The following DZIP3 variants were observed in gnomAD, a reference collection of about 807,000 sequenced individuals.
The protein encoded by DZIP3 is E3 ubiquitin-protein ligase DZIP3.
A neutral mutation model predicts 162.0 loss-of-function variants in DZIP3; 118 were observed. The observed-to-expected ratio is 0.73, with a 90% CI of 0.63 to 0.85. The LOEUF (loss-of-function observed/expected upper bound fraction) is 0.85, where lower values mean the gene tolerates loss of function less well. Ranked by LOEUF, DZIP3 falls within the 40% of genes least tolerant of loss-of-function variation. The pLI is 0.00. For missense variants in DZIP3, 1,331 were observed against 1,407.0 expected, an observed-to-expected ratio of 0.95 and a Z score of 0.86; for synonymous variants, 438 against 458.6, an observed-to-expected ratio of 0.96 and a Z score of 0.57.
At chr3:108,661,427 T>C (rs970822565) in intron 19 of DZIP3, among the ~76,000 whole-genome samples, 21 of 152,092 alleles carry the variant, frequency 1.4e-4, no homozygotes, top group African/African-American at 4.8e-4. Context: ...TAGGTGGGAA[T>C]TGAACAATGA....
upstream of DZIP3, chr3:108,589,665 G>T (rs9810998): frequency 0.01 from 2,979 of 292,444 alleles, 94 homozygotes; most frequent in African/African-American, 0.061. Flanking sequence ...TCCCGTGAAG[G>T]CGAGAAATCT....
At chr3:108,620,947 G>A (rs536748646) in intron 5 of DZIP3, among the ~76,000 whole-genome samples, 4 of 152,082 alleles carry the variant, frequency 2.6e-5, no homozygotes, top group Non-Finnish European at 4.4e-5. Flanking sequence ...TCAGCCTCCC[G>A]AGTAGCTGGG....
intron 19 of DZIP3, among the ~76,000 whole-genome samples, chr3:108,655,137 A>G (rs530662966): frequency 5.9e-5 from 9 of 152,330 alleles, no homozygotes; most frequent in South Asian, 4.1e-4. Context: ...CCATGAGACT[A>G]TGGGAACTCA....
chr3:108,693,259 T>C (rs1441069343), intron 32 of DZIP3, 101 bp from the exon 33 acceptor site: 1 of 151,492 alleles, frequency 6.6e-6, no homozygotes. Flanking sequence ...GAAAATCCCA[T>C]GGAAATTTAT....
intron 5 of DZIP3, among the ~76,000 whole-genome samples, chr3:108,621,344 T>C (rs9840509): frequency 0.019 from 2,900 of 152,308 alleles, 100 homozygotes; most frequent in African/African-American, 0.067. Flanking sequence ...TTATGGGGTA[T>C]GTGAGATACT....
intron 6 of DZIP3, 61 bp from the exon 7 acceptor site, chr3:108,625,784 T>G: frequency 7.1e-7 from 1 of 1,404,220 alleles, no homozygotes. Context: ...AGTAATTGTT[T>G]ATTGTAAAAA....
intron 17 of DZIP3, among the ~76,000 whole-genome samples, chr3:108,650,288 G>A (rs551660888): frequency 6.6e-6 from 1 of 151,808 alleles, no homozygotes; most frequent in African/African-American, 2.4e-5. Context: ...TTTCAACTCA[G>A]GTATTCAAGT....
intron 10 of DZIP3, 56 bp from the exon 11 acceptor site, chr3:108,636,559 AG>A: frequency 9.0e-7 from 1 of 1,107,522 alleles, no homozygotes; most frequent in Non-Finnish European, 1.3e-6. Context: ...AAATATAATC[AG>A]ATTTGCACAT....
chr3:108,658,236 A>G (rs1381534305), intron 19 of DZIP3, among the ~76,000 whole-genome samples: 3 of 152,146 alleles, frequency 2.0e-5, no homozygotes, highest in East Asian at 1.9e-4. Context: ...CCACATAGTT[A>G]GAAGTAAAGC....
chr3:108,675,955 T>G (rs917738288), intron 25 of DZIP3, 82 bp downstream of exon 25: 1 of 1,196,036 alleles, frequency 8.4e-7, no homozygotes, highest in Non-Finnish European at 1.2e-6. Context: ...GTAGAAAAAT[T>G]TAAGGAAGAA....
intron 26 of DZIP3, among the ~76,000 whole-genome samples, chr3:108,678,959 G>A (rs190467510): frequency 3.2e-4 from 49 of 152,212 alleles, no homozygotes; most frequent in South Asian, 2.1e-4. Context: ...TAGAATGATA[G>A]TTTTGCCTTT....
rs1214233810 is a variant in DZIP3 at position 108,633,899 on chromosome 3, T to TCC, written c.816+827_816+828insCC. Among the ~76,000 whole-genome samples the TCC allele has an allele frequency of 9.6e-5, 14 of 145,932 alleles. 1 individual carries two copies. Among genetic ancestry groups the TCC allele is most frequent in the Non-Finnish European group, 6.0e-5 (4 of 66,508 alleles). On this transcript the variant is annotated intron_variant, in intron 9 of 32. Transcript: ENST00000361582. ...GATCTCTCTGGATCTATCAGAATAC[T>TCC]TCTGATAGATCTCTCTCTCTGGATC...
chr3:108,647,035 A>C (rs1036425971), intron 15 of DZIP3, among the ~76,000 whole-genome samples: 1 of 152,102 alleles, frequency 6.6e-6, no homozygotes, highest in Non-Finnish European at 1.5e-5. Flanking sequence ...AGCGAGATTC[A>C]GTCTCAAAAA....
At chr3:108,663,238 C>T (rs575440555) in intron 21 of DZIP3, among the ~76,000 whole-genome samples, 7 of 152,240 alleles carry the variant, frequency 4.6e-5, no homozygotes, top group African/African-American at 1.7e-4. Context: ...CTTAGACAAA[C>T]GAAGCTGGCT....
At chr3:108,681,606 T>A (rs1486025157) in intron 26 of DZIP3, among the ~76,000 whole-genome samples, 1 of 151,872 alleles carries the variant, frequency 6.6e-6, no homozygotes, top group Non-Finnish European at 1.5e-5. Flanking sequence ...TTGTAAATCA[T>A]TCTACTATAA....
Position 108,693,210 on chromosome 3 carries a change from T to C in DZIP3, c.*7-150T>C, listed in dbSNP as rs535412463. ...GAGGGGGTATTGTTTTTGAATAAAA[T>C]ATGAGGTTATTTGCCATGACAAAAA... On this transcript the variant is annotated intron_variant, in intron 32 of 32. Transcript: ENST00000361582. 7.2e-4 allele frequency: 108 copies of C among 150,952 alleles called. 1 individual carries two copies. Among genetic ancestry groups the C allele is most frequent in the African/African-American group, 2.5e-3 (104 of 41,180 alleles). 9.4% of individuals were successfully genotyped at this position (150,952 alleles called of 1,614,324 possible). A position where few individuals can be genotyped will look rare whatever the true frequency, so the allele number is the denominator to read the frequency against.
chr3:108,694,042 G>C lies in DZIP3; in HGVS notation c.*689G>C, dbSNP rs1446375094. On this transcript the variant is annotated 3_prime_UTR_variant, in exon 33 of 33. Coordinates refer to ENST00000361582, the MANE Select transcript of DZIP3 (RefSeq NM_014648.4). Reference sequence around the variant, plus strand: ...AAAAGAATTCAGAGTTACCTTGTGAGATAAATGTTCTTTGCTTCATATTCA... The same window carrying C: ...AAAAGAATTCAGAGTTACCTTGTGACATAAATGTTCTTTGCTTCATATTCA... 5 of 152,106 alleles carry C rather than the reference G, an allele frequency of 3.3e-5. No individual in the cohort carries two copies. The highest frequency in any genetic ancestry group is 4.4e-5 in the Non-Finnish European group (3 of 68,018). The allele number at this position is 152,106 out of a possible 1,614,324, so 9.4% of individuals were successfully genotyped here.
intron 19 of DZIP3, among the ~76,000 whole-genome samples, chr3:108,660,268 A>G (rs1943357476): frequency 6.6e-6 from 1 of 152,242 alleles, no homozygotes. Flanking sequence ...CGAAAACAGC[A>G]TGGTACTGGT....
intron 21 of DZIP3, among the ~76,000 whole-genome samples, chr3:108,667,332 GCAAATACTA>G (rs1943725547): frequency 6.6e-6 from 1 of 152,132 alleles, no homozygotes; most frequent in Admixed American, 6.6e-5. Flanking sequence ...ATGTATCACT[GCAAATACTA>G]CAAACACTGC....
Sources: gnomAD v4.1 joint callset for allele counts (sites outside exome capture counted in the v4.1 genomes callset) on GRCh38, gnomAD v4.1.1 for gene constraint, MANE v1.5 for transcripts, NCBI Gene and HGNC (gene_info 2026-07-23, HGNC 2026-07-21) for gene names.